NR2C2: variants seen among roughly 807,000 people sequenced by gnomAD.
The protein encoded by NR2C2 is nuclear receptor subfamily 2 group C member 2.
A neutral mutation model predicts 62.9 loss-of-function variants in NR2C2; 6 were observed. The ratio of observed to expected loss-of-function variants is 0.10; its 90% CI spans 0.05 to 0.19. NR2C2 has a LOEUF of 0.19. Ranked by LOEUF, NR2C2 falls within the 10% of genes least tolerant of loss-of-function variation. The probability of loss-of-function intolerance (pLI) is 1.00; values close to 1 mark genes in which losing one functional copy is unlikely to be tolerated. For missense variants in NR2C2, 479 were observed against 762.7 expected, an observed-to-expected ratio of 0.63 and a Z score of 4.38; for synonymous variants, 272 against 273.8, an observed-to-expected ratio of 0.99 and a Z score of 0.07.
At chr3:15,034,039 G>T (rs1238798266) in intron 10 of NR2C2, among the ~76,000 whole-genome samples, 2 of 152,184 alleles carry the variant, frequency 1.3e-5, no homozygotes, top group African/African-American at 4.8e-5. Context: ...AGTTTCTCCG[G>T]CCTCCTGAAA....
At chr3:14,987,963 C>T (rs1349370194) in intron 1 of NR2C2, among the ~76,000 whole-genome samples, 2 of 152,148 alleles carry the variant, frequency 1.3e-5, no homozygotes, top group Non-Finnish European at 2.9e-5. Context: ...TTCTGTATCC[C>T]GGAAACATAG....
chr3:15,015,056 C>G (rs1431360992), intron 3 of NR2C2, among the ~76,000 whole-genome samples: 2 of 152,226 alleles, frequency 1.3e-5, no homozygotes, highest in Non-Finnish European at 2.9e-5. Context: ...TTACGCTACA[C>G]TTACTAAATG....
intron 8 of NR2C2, 42 bp from the exon 9 acceptor site, chr3:15,030,233 C>A (rs766898618): frequency 2.0e-6 from 3 of 1,529,722 alleles, no homozygotes; most frequent in South Asian, 2.4e-5. Flanking sequence ...CCCCTAAAAG[C>A]TGTAGATTCA....
intron 13 of NR2C2, among the ~76,000 whole-genome samples, chr3:15,041,211 T>G (rs1200715804): frequency 6.6e-6 from 1 of 152,222 alleles, no homozygotes; most frequent in Non-Finnish European, 1.5e-5. Context: ...ATCTTGATAT[T>G]TACTGTCTGG....
chr3:15,018,058 G>A (rs1281517053), intron 4 of NR2C2, among the ~76,000 whole-genome samples: 2 of 152,196 alleles, frequency 1.3e-5, no homozygotes, highest in African/African-American at 2.4e-5. Flanking sequence ...GAGTGCAGTG[G>A]TGTGATCTTG....
chr3:15,024,107 T>A lies in NR2C2; in HGVS notation c.705-8T>A. On this transcript the variant is annotated splice_polypyrimidine_tract_variant and splice_region_variant and intron_variant, in intron 6 of 13. Coordinates refer to ENST00000425241, the MANE Select transcript of NR2C2 (RefSeq NM_001291694.2). The stretch of plus-strand genomic sequence containing the variant: ...AAGCTACTCTGAGTTTCTTTATGTC[T>A]TAAATAGACAAACAGGTCTTCTTGA... The A allele has an allele frequency of 6.2e-7, 1 of 1,606,054 alleles. No homozygotes were observed. Among genetic ancestry groups the A allele is most frequent in the Non-Finnish European group, 8.5e-7 (1 of 1,173,456 alleles).
chr3:14,979,611 A>C (rs904476787), intron 1 of NR2C2, among the ~76,000 whole-genome samples: 3 of 151,978 alleles, frequency 2.0e-5, no homozygotes, highest in Non-Finnish European at 2.9e-5. Flanking sequence ...GAAGTGAGAG[A>C]ATTATTTGCG....
chr3:15,041,693 C>CA (rs929993881), intron 13 of NR2C2, among the ~76,000 whole-genome samples: 6 of 151,780 alleles, frequency 4.0e-5, no homozygotes, highest in Admixed American at 6.6e-5. Flanking sequence ...ATCTCTATGA[C>CA]AAAAAAATGA....
intron 1 of NR2C2, among the ~76,000 whole-genome samples, chr3:14,955,558 C>T (rs1164583186): frequency 1.3e-5 from 2 of 152,112 alleles, no homozygotes; most frequent in Non-Finnish European, 2.9e-5. Context: ...CTAGCTCCAT[C>T]GCTTAGTAGC....
Position 15,048,160 on chromosome 3 carries a change from C to G in NR2C2, c.*5152C>G, listed in dbSNP as rs1289107152. ...AAACACTTTATGAGACCATAGTACT[C>G]AGTGCCTTTTGTGAGACAGTGGGTC... is the stretch of plus-strand genomic sequence containing the variant. On this transcript the variant is annotated 3_prime_UTR_variant, in exon 14 of 14. Coordinates refer to ENST00000425241, the MANE Select transcript of NR2C2 (RefSeq NM_001291694.2). The G allele has an allele frequency of 6.6e-6, 1 of 152,670 alleles. No homozygotes were observed. The highest frequency in any genetic ancestry group is 1.5e-5 in the Non-Finnish European group (1 of 68,046). The allele number at this position is 152,670 out of a possible 1,614,324, so 9.5% of individuals were successfully genotyped here.
chr3:15,003,226 A>C (rs1306523980), intron 1 of NR2C2, among the ~76,000 whole-genome samples: 1 of 151,816 alleles, frequency 6.6e-6, no homozygotes, highest in Non-Finnish European at 1.5e-5. Context: ...CTGGGATTAT[A>C]GGTGTGAGCC....
At chr3:14,999,938 G>A (rs536119307) in intron 1 of NR2C2, among the ~76,000 whole-genome samples, 1 of 152,218 alleles carries the variant, frequency 6.6e-6, no homozygotes, top group Admixed American at 6.5e-5. Flanking sequence ...AGTACAAAGT[G>A]ATGTTATGAT....
chr3:14,965,387 G>C (rs1022660597), intron 1 of NR2C2, among the ~76,000 whole-genome samples: 1 of 151,876 alleles, frequency 6.6e-6, no homozygotes, highest in Non-Finnish European at 1.5e-5. Flanking sequence ...TTAGGAAAGA[G>C]GTTAATATAG....
At chr3:14,977,687 G>A (rs891258399) in intron 1 of NR2C2, among the ~76,000 whole-genome samples, 4 of 151,982 alleles carry the variant, frequency 2.6e-5, no homozygotes, top group South Asian at 2.1e-4. Context: ...TAATGTAGCC[G>A]GGCAAAATGG....
intron 2 of NR2C2, among the ~76,000 whole-genome samples, chr3:15,007,929 C>T (rs1414273235): frequency 6.6e-6 from 1 of 152,182 alleles, no homozygotes; most frequent in Non-Finnish European, 1.5e-5. Flanking sequence ...TCCAAGTTGA[C>T]ACAGCTGGGA....
intron 9 of NR2C2, among the ~76,000 whole-genome samples, chr3:15,031,533 A>AATTTTT (rs1179716263): frequency 2.0e-5 from 3 of 151,188 alleles, no homozygotes; most frequent in African/African-American, 7.3e-5. Context: ...ATGCCCATCT[A>AATTTTT]ATTTTTATTT....
At chr3:14,979,527 G>A (rs1386576666) in intron 1 of NR2C2, among the ~76,000 whole-genome samples, 1 of 152,220 alleles carries the variant, frequency 6.6e-6, no homozygotes, top group Non-Finnish European at 1.5e-5. Context: ...GGGATCAAAA[G>A]TGACAGGAAT....
chr3:14,989,169 G>C (rs1359551502), intron 1 of NR2C2, among the ~76,000 whole-genome samples: 1 of 152,192 alleles, frequency 6.6e-6, no homozygotes, highest in South Asian at 2.1e-4. Context: ...CTAGGTGTTA[G>C]TTTCAGCCTC....
intron 1 of NR2C2, among the ~76,000 whole-genome samples, chr3:14,995,227 A>G (rs1302422439): frequency 2.7e-5 from 4 of 149,238 alleles, no homozygotes; most frequent in East Asian, 2.0e-4. Flanking sequence ...CAGTTCACCT[A>G]TTTAAGGTGT....
Sources: gnomAD v4.1 joint callset for allele counts (sites outside exome capture counted in the v4.1 genomes callset) on GRCh38, gnomAD v4.1.1 for gene constraint, MANE v1.5 for transcripts, NCBI Gene and HGNC (gene_info 2026-07-23, HGNC 2026-07-21) for gene names.